Variants in ST6GALNAC3 observed in about 807,000 individuals in gnomAD.
The protein encoded by ST6GALNAC3 is alpha-N-acetylgalactosaminide alpha-2,6-sialyltransferase 3.
In ST6GALNAC3, 25 loss-of-function variants were observed where a neutral mutation model predicts 32.7. That is an observed-to-expected ratio of 0.76 (90% confidence interval 0.56 to 1.07). The LOEUF (loss-of-function observed/expected upper bound fraction) is 1.07. ST6GALNAC3 is among the 50% of genes least tolerant of loss of function. The pLI, the probability that ST6GALNAC3 is intolerant of heterozygous loss-of-function variation, is 0.00. For synonymous variants in ST6GALNAC3, 129 were observed against 133.1 expected, an observed-to-expected ratio of 0.97 and a Z score of 0.21; for missense variants, 355 against 382.4, an observed-to-expected ratio of 0.93 and a Z score of 0.60.
At chr1:76,081,017 T>C (rs556345370) in intron 1 of ST6GALNAC3, among the ~76,000 whole-genome samples, 1 of 152,256 alleles carries the variant, frequency 6.6e-6, no homozygotes, top group South Asian at 2.1e-4. Flanking sequence ...ACAGCAACAA[T>C]AGGTGCCATT....
intron 3 of ST6GALNAC3, among the ~76,000 whole-genome samples, chr1:76,430,012 C>T (rs1655646854): frequency 1.3e-5 from 2 of 152,182 alleles, no homozygotes; most frequent in African/African-American, 2.4e-5. Flanking sequence ...AAACATTGGT[C>T]TCTAAAACTA....
chr1:76,611,487 G>A (rs1028561309), intron 3 of ST6GALNAC3, among the ~76,000 whole-genome samples: 1 of 152,100 alleles, frequency 6.6e-6, no homozygotes, highest in African/African-American at 2.4e-5. Flanking sequence ...AACATGTATA[G>A]TAGAGGAAAA....
At chr1:76,376,141 A>G (rs1218416004) in intron 2 of ST6GALNAC3, among the ~76,000 whole-genome samples, 2 of 151,946 alleles carry the variant, frequency 1.3e-5, no homozygotes, top group African/African-American at 4.8e-5. Flanking sequence ...TTATTATGAG[A>G]TAATTATAGA....
intron 3 of ST6GALNAC3, among the ~76,000 whole-genome samples, chr1:76,443,925 T>A (rs1199723008): frequency 6.6e-6 from 1 of 152,246 alleles, no homozygotes; most frequent in Non-Finnish European, 1.5e-5. Context: ...GGCATTCTAA[T>A]AACTGTTAGT....
At chr1:76,227,856 A>G (rs1485781245) in intron 1 of ST6GALNAC3, among the ~76,000 whole-genome samples, 1 of 152,208 alleles carries the variant, frequency 6.6e-6, no homozygotes, top group Non-Finnish European at 1.5e-5. Flanking sequence ...GTGCTGCACA[A>G]GATTTGCAGC....
chr1:76,575,358 A>G (rs889737521), intron 3 of ST6GALNAC3, among the ~76,000 whole-genome samples: 2 of 152,110 alleles, frequency 1.3e-5, no homozygotes, highest in African/African-American at 4.8e-5. Flanking sequence ...TCAAAAGAGA[A>G]CAGGTTTTAT....
intron 3 of ST6GALNAC3, among the ~76,000 whole-genome samples, chr1:76,524,374 A>G (rs1662738295): frequency 6.6e-6 from 1 of 152,104 alleles, no homozygotes; most frequent in African/African-American, 2.4e-5. Context: ...TATTACAGTT[A>G]TCTGATTATA....
At chr1:76,336,613 G>A (rs2100977265) in intron 2 of ST6GALNAC3, among the ~76,000 whole-genome samples, 1 of 152,262 alleles carries the variant, frequency 6.6e-6, no homozygotes, top group Non-Finnish European at 1.5e-5. Flanking sequence ...GTCACTAAAA[G>A]TTTAAATGAC....
At chr1:76,562,595 A>G (rs1161715734) in intron 3 of ST6GALNAC3, among the ~76,000 whole-genome samples, 4 of 152,168 alleles carry the variant, frequency 2.6e-5, no homozygotes, top group African/African-American at 7.2e-5. Context: ...TCTGTCCACC[A>G]TCTCCTGAGT....
rs1663878822 is a variant in ST6GALNAC3 at position 76,539,858 on chromosome 1, A to G, written c.624-87594A>G. ...GATTATTAAAAAGTCAAGAAACAAT[A>G]GATGTTGGTGAGGCTGAGGAGAAAT... On this transcript the variant is annotated intron_variant, in intron 3 of 4. Coordinates refer to ENST00000328299, the MANE Select transcript of ST6GALNAC3 (RefSeq NM_152996.4). Among the ~76,000 whole-genome samples, 2 of 152,168 alleles carry G rather than the reference A, an allele frequency of 1.3e-5. 1 individual carries two copies. Among genetic ancestry groups the G allele is most frequent in the South Asian group, 4.1e-4 (2 of 4,830 alleles).
At chr1:76,481,958 G>A (rs1659751088) in intron 3 of ST6GALNAC3, among the ~76,000 whole-genome samples, 1 of 151,972 alleles carries the variant, frequency 6.6e-6, no homozygotes, top group Non-Finnish European at 1.5e-5. Flanking sequence ...ACAAATCAAA[G>A]GCATTTGTCC....
At chr1:76,536,669 A>G (rs1167430189) in intron 3 of ST6GALNAC3, among the ~76,000 whole-genome samples, 2 of 151,268 alleles carry the variant, frequency 1.3e-5, no homozygotes, top group Non-Finnish European at 2.9e-5. Flanking sequence ...AAAAAAAAAA[A>G]AAAAAAAGCA....
At chr1:76,580,841 T>A (rs1435079675) in intron 3 of ST6GALNAC3, among the ~76,000 whole-genome samples, 1 of 151,904 alleles carries the variant, frequency 6.6e-6, no homozygotes, top group African/African-American at 2.4e-5. Context: ...TCTGAGTCAT[T>A]TGGGAGAGGG....
At chr1:76,208,385 T>G (rs958684080) in intron 1 of ST6GALNAC3, among the ~76,000 whole-genome samples, 1 of 152,248 alleles carries the variant, frequency 6.6e-6, no homozygotes, top group Non-Finnish European at 1.5e-5. Context: ...AAGCTCGTGT[T>G]TATAGCTAAA....
intron 3 of ST6GALNAC3, among the ~76,000 whole-genome samples, chr1:76,523,798 G>A (rs1047311130): frequency 6.6e-6 from 1 of 152,116 alleles, no homozygotes; most frequent in Admixed American, 6.6e-5. Flanking sequence ...GGGAAAATCA[G>A]TTGTGTCTTG....
chr1:76,215,205 A>G (rs1418118334), intron 1 of ST6GALNAC3, among the ~76,000 whole-genome samples: 1 of 152,226 alleles, frequency 6.6e-6, no homozygotes, highest in African/African-American at 2.4e-5. Flanking sequence ...TAAGCTGAAT[A>G]CAATCCTTAA....
intron 3 of ST6GALNAC3, among the ~76,000 whole-genome samples, chr1:76,463,525 A>C (rs1658422840): frequency 6.6e-6 from 1 of 152,188 alleles, no homozygotes; most frequent in African/African-American, 2.4e-5. Flanking sequence ...TCTTCTTAAA[A>C]AATCTAATAC....
intron 1 of ST6GALNAC3, among the ~76,000 whole-genome samples, chr1:76,235,789 T>G (rs1332604158): frequency 6.7e-6 from 1 of 148,520 alleles, no homozygotes; most frequent in East Asian, 2.0e-4. Context: ...GTCACAGCAC[T>G]GTTTTCTTTC....
chr1:76,376,875 A>G (rs1651277357), intron 2 of ST6GALNAC3, among the ~76,000 whole-genome samples: 1 of 151,990 alleles, frequency 6.6e-6, no homozygotes. Flanking sequence ...ATGTTTATAT[A>G]TTTACAGTGA....
Sources: gnomAD v4.1 joint callset for allele counts (sites outside exome capture counted in the v4.1 genomes callset) on GRCh38, gnomAD v4.1.1 for gene constraint, MANE v1.5 for transcripts, NCBI Gene and HGNC (gene_info 2026-07-23, HGNC 2026-07-21) for gene names.